The following NFATC4 variants were observed in gnomAD, a reference collection of about 807,000 sequenced individuals.
NFATC4 encodes nuclear factor of activated T-cells, cytoplasmic 4.
NFATC4 carries 25 observed loss-of-function variants against 73.4 expected under a neutral mutation model. The ratio of observed to expected loss-of-function variants is 0.34; its 90% confidence interval spans 0.25 to 0.48. The LOEUF (loss-of-function observed/expected upper bound fraction) is 0.48. NFATC4 is among the 20% of genes least tolerant of loss of function. NFATC4 has a pLI of 0.99. For synonymous variants in NFATC4, 523 were observed against 510.3 expected, an observed-to-expected ratio of 1.02 and a Z score of -0.34; for missense variants, 1,130 against 1,203.7, an observed-to-expected ratio of 0.94 and a Z score of 0.91.
chr14:24,375,740 C>CT, intron 7 of NFATC4, 25 bp downstream of exon 7: 1 of 424,264 alleles, frequency 2.4e-6, no homozygotes, highest in East Asian at 7.6e-5. Flanking sequence ...TGGATACCTC[C>CT]TGGGGGGCGG....
Position 24,373,587 on chromosome 14 carries a change from C to G in NFATC4, c.1560-108C>G, listed in dbSNP as rs755911725. ...AGAAAATAGCCTCCTAGGCACTCAT[C>G]GAAAGTCATTCAAGGCTTTGGATGG... On this transcript the variant is annotated intron_variant, in intron 4 of 9. Coordinates refer to ENST00000250373, the MANE Select transcript of NFATC4 (RefSeq NM_004554.5). This position sits in a 1 kb window ranked among gnomAD's most constrained non-coding sequence, Gnocchi z 4.7. 4 of 1,498,442 alleles carry G rather than the reference C, an allele frequency of 2.7e-6. No individual in the cohort carries two copies. The highest frequency in any genetic ancestry group is 3.6e-6 in the Non-Finnish European group (4 of 1,109,468). The allele number at this position is 1,498,442 out of a possible 1,614,324, so 92.8% of individuals were successfully genotyped here.
chr14:24,369,460 T>G (rs770084710), intron 1 of NFATC4, 39 bp from the exon 2 acceptor site: 97 of 1,612,354 alleles, frequency 6.0e-5, no homozygotes, highest in Middle Eastern at 1.6e-4. Context: ...TGCTTCTCTC[T>G]TTCCCCCTCT....
At chr14:24,372,284 CT>C (rs763471002) in intron 2 of NFATC4, 156 bp from the exon 3 acceptor site, 10 of 781,700 alleles carry the variant, frequency 1.3e-5, no homozygotes, top group African/African-American at 5.2e-5. Flanking sequence ...AAAAAAAATT[CT>C]TTTTTCCCTT....
At position 24,374,311 on chromosome 14, in the gene NFATC4, T is replaced by C. The variant is rs746009236; in HGVS notation, c.1733-15T>C. ...GCCCAGCCCAGCCAGTCCTCTTCCT[T>C]GCACTGCTCTGCAGCCCAGCGCTCA... is the stretch of plus-strand genomic sequence containing the variant. On this transcript the variant is annotated splice_polypyrimidine_tract_variant and intron_variant, in intron 5 of 9. Transcript: ENST00000250373. 1.2e-5 allele frequency: 20 copies of C among 1,602,674 alleles called. No homozygotes were observed. The highest frequency in any genetic ancestry group is 1.7e-5 in the Non-Finnish European group (20 of 1,174,766).
At position 24,377,116 on chromosome 14, in the gene NFATC4, C is replaced by T; in HGVS notation, c.2641+238C>T. On this transcript the variant is annotated intron_variant, in intron 9 of 9. Coordinates refer to ENST00000250373, the MANE Select transcript of NFATC4 (RefSeq NM_004554.5). This position sits in a 1 kb window ranked among gnomAD's most constrained non-coding sequence, Gnocchi z 4.2. ...TTTCTCCTGTCTCTGCCTCTGTCCT[C>T]TGCTCCAAATCATAAAATCTCAGAG... The T allele has an allele frequency of 7.7e-7, 1 of 1,305,198 alleles. No homozygotes were observed. Among genetic ancestry groups the T allele is most frequent in the Middle Eastern group, 2.9e-4 (1 of 3,488 alleles). 80.9% of individuals were successfully genotyped at this position (1,305,198 alleles called of 1,614,324 possible). A position where few individuals can be genotyped will look rare whatever the true frequency, so the allele number is the denominator to read the frequency against.
rs1339363965 is a variant in NFATC4, at chr14:24,376,555, G to A, written c.2318G>A (p.Gly773Asp). The change falls in exon 9 of 10, where the codon GGT (glycine) becomes GAT (aspartate). Residue 773 changes from glycine to aspartate, a missense_variant. This residue lies in a region of NFATC4 where 390 missense variants were observed against 408.1 expected (regional missense o/e 0.96). Coordinates refer to ENST00000250373, the MANE Select transcript of NFATC4 (RefSeq NM_004554.5). This position sits in a 1 kb window ranked among gnomAD's most constrained non-coding sequence, Gnocchi z 5.0. ...TTCCCTGAGACTAGGGGTACCACAG[G>A]TTGTGCCCAACCACCTGCAGTTTCC... ...RMFPETRGTT[G>D]CAQPPAVSFL... 1.2e-6 allele frequency: 2 copies of A among 1,613,992 alleles called. No individual in the cohort carries two copies. The highest frequency in any genetic ancestry group is 3.3e-5 in the Admixed American group (2 of 60,004).
intron 1 of NFATC4, chr14:24,369,012 A>C: frequency 1.7e-6 from 2 of 1,197,958 alleles, no homozygotes; most frequent in Non-Finnish European, 2.1e-6. Context: ...CCGCCCCTAG[A>C]TGGCGAGGAG....
intron 5 of NFATC4, 56 bp from the exon 6 acceptor site, chr14:24,374,270 G>A (rs945694320): frequency 6.4e-7 from 1 of 1,561,548 alleles, no homozygotes; most frequent in Admixed American, 1.9e-5. Context: ...GGGGACAGAG[G>A]AGGCCACCCC....
rs2042641867 is a variant in NFATC4 at position 24,376,968 on chromosome 14, A to G, written c.2641+90A>G. On this transcript the variant is annotated intron_variant, in intron 9 of 9. Transcript: ENST00000250373. This position sits in a 1 kb window ranked among gnomAD's most constrained non-coding sequence, Gnocchi z 5.0. ...AGGGCTGGAGCTGGGCTTTTCAGAGATCGGGCATCCCTGGTCTCTCAGGGC... is the reference window on the plus strand; with the variant it reads ...AGGGCTGGAGCTGGGCTTTTCAGAGGTCGGGCATCCCTGGTCTCTCAGGGC... 7.7e-6 allele frequency: 11 copies of G among 1,423,158 alleles called. No individual in the cohort carries two copies. In the South Asian group the frequency reaches 1.7e-4, roughly 22 times the overall value. 88.2% of individuals were successfully genotyped at this position (1,423,158 alleles called of 1,614,324 possible). A position where few individuals can be genotyped will look rare whatever the true frequency, so the allele number is the denominator to read the frequency against.
At chr14:24,367,255 AG>A (rs1566458611), upstream of NFATC4, 1 of 1,511,626 alleles carries the variant, frequency 6.6e-7, no homozygotes, top group East Asian at 2.6e-5. Context: ...GGGGCCAAGG[AG>A]GGGGAAGAGG....
At chr14:24,372,999 A>G in intron 3 of NFATC4, 172 bp from the exon 4 acceptor site, 1 of 687,796 alleles carries the variant, frequency 1.5e-6, no homozygotes, top group Non-Finnish European at 2.4e-6. Context: ...AACACTGTGA[A>G]CTCCAGGCCA....
At position 24,374,407 on chromosome 14, in the gene NFATC4, T is replaced by C. The variant is rs1410391990; in HGVS notation, c.1814T>C (p.Val605Ala). The C allele has an allele frequency of 6.2e-7, 1 of 1,614,028 alleles. No individual in the cohort carries two copies. Among genetic ancestry groups the C allele is most frequent in the South Asian group, 1.1e-5 (1 of 91,074 alleles). Residue 605 changes from valine to alanine, a missense_variant, in exon 6 of 10, where the codon GTA becomes GCA. Val to Ala is a moderately conservative substitution (Grantham distance 64). Around this residue, in one of 3 missense-constraint regions of NFATC4, gnomAD observed 390 missense variants for 408.1 expected, o/e 0.96. Coordinates refer to ENST00000250373, the MANE Select transcript of NFATC4 (RefSeq NM_004554.5). ...TCTGTGAGAGGAGGCGAGGAACTGG[T>C]ACTGACTGGCTCCAACTTCCTGCCA... ...ACSVRGGEEL[V>A]LTGSNFLPDS... is the part of the protein sequence containing the mutation.
chr14:24,370,049 G>A lies in NFATC4; in HGVS notation c.651G>A (p.Ser217=), dbSNP rs1307265474. 6.2e-7 allele frequency: 1 copy of A among 1,608,934 alleles called. No homozygotes were observed. The highest frequency in any genetic ancestry group is 8.5e-7 in the Non-Finnish European group (1 of 1,179,830). Residue 217 remains serine (S), a synonymous_variant, in exon 2 of 10, where the codon TCG becomes TCA. Transcript: ENST00000250373. The part of the protein sequence containing the change: ...SRFGLGSPLP[S]PRASPRPWTP... The stretch of plus-strand genomic sequence containing the variant: ...TTGGCCTGGGCTCCCCGCTGCCCTC[G>A]CCCCGGGCCTCCCCTCGGCCATGGA...
chr14:24,374,152 G>A (rs749185326), intron 5 of NFATC4, 174 bp from the exon 6 acceptor site: 36 of 943,888 alleles, frequency 3.8e-5, no homozygotes, highest in Non-Finnish European at 5.1e-5. Flanking sequence ...CTCTGGGAGC[G>A]GCCCCTTACA....
At chr14:24,368,539 G>A (rs1403768467) in intron 1 of NFATC4, 99 bp downstream of exon 1, 9 of 1,143,704 alleles carry the variant, frequency 7.9e-6, no homozygotes, top group Non-Finnish European at 9.9e-6. Context: ...GGTGGGGGGT[G>A]AGGGAGTCAG....
In NFATC4 at chr14:24,377,226, C is replaced by T; in HGVS notation, c.2641+348C>T. 8.0e-7 allele frequency: 1 copy of T among 1,254,346 alleles called. No individual in the cohort carries two copies. Among genetic ancestry groups the T allele is most frequent in the Non-Finnish European group, 1.0e-6 (1 of 1,000,776 alleles). 77.7% of individuals were successfully genotyped at this position (1,254,346 alleles called of 1,614,324 possible). On this transcript the variant is annotated intron_variant, in intron 9 of 9. Coordinates refer to ENST00000250373, the MANE Select transcript of NFATC4 (RefSeq NM_004554.5). The surrounding 1 kb of genome is among the most constrained non-coding windows in gnomAD (Gnocchi z 4.2). ...AGTTCCAGAGAGGGATGGTAGCTTGCTGAGGTCCCAGTCAAGCACACTTGC... is the reference window on the plus strand; with the variant it reads ...AGTTCCAGAGAGGGATGGTAGCTTGTTGAGGTCCCAGTCAAGCACACTTGC...
rs2042604666 is a variant in NFATC4 at position 24,376,045 on chromosome 14, A to G, written c.2000A>G (p.Tyr667Cys). 1 of 1,613,920 alleles carries G rather than the reference A, an allele frequency of 6.2e-7. No individual in the cohort carries two copies. Among genetic ancestry groups the G allele is most frequent in the South Asian group, 1.1e-5 (1 of 91,074 alleles). The change falls in exon 8 of 10, where the codon TAT becomes TGT. Residue 667 changes from tyrosine to cysteine, a missense_variant. By Grantham distance (194) the Tyr-to-Cys change is radical. Coordinates refer to ENST00000250373, the MANE Select transcript of NFATC4 (RefSeq NM_004554.5). This position sits in a 1 kb window ranked among gnomAD's most constrained non-coding sequence, Gnocchi z 5.0. ...RVSRPVQVYFYVSNGRRKRSP... is the reference protein window; with the variant it reads ...RVSRPVQVYFCVSNGRRKRSP... ...TCCCGGCCAGTCCAGGTCTACTTTT[A>G]TGTCTCCAATGGGCGGAGGAAACGC...
chr14:24,373,676 A>G lies in NFATC4; in HGVS notation c.1560-19A>G. 3.8e-6 allele frequency: 6 copies of G among 1,591,108 alleles called. No individual in the cohort carries two copies. The highest frequency in any genetic ancestry group is 5.1e-6 in the Non-Finnish European group (6 of 1,166,614). ...TTGGCTTCAGCTAGGAGGGCTTGCC[A>G]TCCATCCTTTGCCTCCAGCATTGAC... On this transcript the variant is annotated intron_variant, in intron 4 of 9. Coordinates refer to ENST00000250373, the MANE Select transcript of NFATC4 (RefSeq NM_004554.5). This position sits in a 1 kb window ranked among gnomAD's most constrained non-coding sequence, Gnocchi z 4.7.
chr14:24,374,704 A>G, intron 6 of NFATC4: 1 of 442,322 alleles, frequency 2.3e-6, no homozygotes, highest in Non-Finnish European at 4.1e-6. Context: ...CTGTCTAATA[A>G]AGAGGAGTCT....
Sources: gnomAD v4.1 joint callset for allele counts on GRCh38, gnomAD v4.1.1 for gene constraint, gnomAD v4.1.1 regional missense constraint, Gnocchi (gnomAD v3.1) non-coding constraint, MANE v1.5 for transcripts, NCBI Gene and HGNC (gene_info 2026-07-23, HGNC 2026-07-21) for gene names.